ME2: variants seen among roughly 807,000 people sequenced by gnomAD.
ME2 encodes NAD-dependent malic enzyme, mitochondrial.
Under a neutral mutation model 73.7 loss-of-function variants are expected in ME2, and 60 were observed. That is an observed-to-expected ratio of 0.81 (90% CI 0.66 to 1.01). ME2 has a LOEUF of 1.01. Among genes scored for constraint, ME2 ranks in the 50% least tolerant of loss-of-function variants. ME2 has a pLI of 0.00. For synonymous variants in ME2, 199 were observed against 236.9 expected, an observed-to-expected ratio of 0.84 and a Z score of 1.47; for missense variants, 594 against 705.5, an observed-to-expected ratio of 0.84 and a Z score of 1.79.
chr18:50,904,897 T>C (rs972360501), intron 2 of ME2, among the ~76,000 whole-genome samples: 2 of 152,082 alleles, frequency 1.3e-5, no homozygotes, highest in Non-Finnish European at 2.9e-5. Context: ...CATTATCTCT[T>C]GAAATATTAT....
At position 50,951,120 on chromosome 18, in the gene ME2, A is replaced by C. The variant is rs927761944; in HGVS notation, c.*3936A>C. The C allele has an allele frequency of 6.6e-6, 1 of 152,170 alleles. No homozygotes were observed. The highest frequency in any genetic ancestry group is 1.5e-5 in the Non-Finnish European group (1 of 68,034). 9.4% of individuals were successfully genotyped at this position (152,170 alleles called of 1,614,324 possible). A position where few individuals can be genotyped will look rare whatever the true frequency, so the allele number is the denominator to read the frequency against. On this transcript the variant is annotated 3_prime_UTR_variant, in exon 16 of 16. Coordinates refer to ENST00000321341, the MANE Select transcript of ME2 (RefSeq NM_002396.5). ...GCATACTTAGTAAACTTAGTAACCAATTTTCATTTGTAAAAGATTAGCTAT... is the reference window on the plus strand; with the variant it reads ...GCATACTTAGTAAACTTAGTAACCACTTTTCATTTGTAAAAGATTAGCTAT...
chr18:50,941,307 A>ACATCTGTCT, intron 15 of ME2, among the ~76,000 whole-genome samples: 1 of 148,812 alleles, frequency 6.7e-6, no homozygotes, highest in East Asian at 2.0e-4. Context: ...AGCGTAATGA[A>ACATCTGTCT]CATCTGTCTT....
At position 50,953,170 on chromosome 18, in the gene ME2, G is replaced by T. The variant is rs936599134; in HGVS notation, c.*5986G>T. 1.3e-5 allele frequency: 2 copies of T among 148,556 alleles called. No homozygotes were observed. Among genetic ancestry groups the T allele is most frequent in the Non-Finnish European group, 3.0e-5 (2 of 67,766 alleles). 9.2% of individuals were successfully genotyped at this position (148,556 alleles called of 1,614,324 possible). On this transcript the variant is annotated 3_prime_UTR_variant, in exon 16 of 16. Coordinates refer to ENST00000321341, the MANE Select transcript of ME2 (RefSeq NM_002396.5). The stretch of plus-strand genomic sequence containing the variant: ...GCTGGAGTGCAGTGGCGCAATCTCA[G>T]CTCACTGCAAGCTCCGCCTCCCGGG...
At chr18:50,939,931 G>A (rs1489391992) in intron 14 of ME2, 5 of 425,996 alleles carry the variant, frequency 1.2e-5, no homozygotes, top group Non-Finnish European at 2.1e-5. Context: ...GTTTTTAATG[G>A]ACAAGTACTG....
intron 1 of ME2, among the ~76,000 whole-genome samples, chr18:50,885,909 C>A (rs1916451115): frequency 6.6e-6 from 1 of 151,882 alleles, no homozygotes; most frequent in Non-Finnish European, 1.5e-5. Context: ...TTAAAAATAG[C>A]CTGAAAAATC....
Position 50,947,204 on chromosome 18 carries a change from AC to A in ME2, c.*21del, listed in dbSNP as rs1918106382. On this transcript the variant is annotated 3_prime_UTR_variant, in exon 16 of 16. Transcript: ENST00000321341. ...GAATAGAAGCACTCCCCTGATAAAT[AC>A]TTTCTGTGCTCCAGGGAACCCCTTT... is the stretch of plus-strand genomic sequence containing the variant. 6.2e-7 allele frequency: 1 copy of A among 1,605,788 alleles called. No individual in the cohort carries two copies. The highest frequency in any genetic ancestry group is 8.5e-7 in the Non-Finnish European group (1 of 1,176,446).
In ME2 at chr18:50,948,843, A is replaced by ATT. The variant is rs71171366; in HGVS notation, c.*1678_*1679dup. Reference sequence around the variant, plus strand: ...AGGCGTGAGCCACCGCACCCAGCCAATTTTTTTTTTTTTTTTTTTTGAGAC... The same window carrying ATT: ...AGGCGTGAGCCACCGCACCCAGCCAATTTTTTTTTTTTTTTTTTTTTTGAGAC... On this transcript the variant is annotated 3_prime_UTR_variant, in exon 16 of 16. Coordinates refer to ENST00000321341, the MANE Select transcript of ME2 (RefSeq NM_002396.5). 1.3e-4 allele frequency: 14 copies of ATT among 111,418 alleles called. No homozygotes were observed. Among genetic ancestry groups the ATT allele is most frequent in the Non-Finnish European group, 1.5e-4 (8 of 54,624 alleles). 6.9% of individuals were successfully genotyped at this position (111,418 alleles called of 1,614,324 possible).
intron 2 of ME2, among the ~76,000 whole-genome samples, chr18:50,906,162 G>A (rs895447377): frequency 1.3e-5 from 2 of 151,992 alleles, no homozygotes; most frequent in African/African-American, 4.8e-5. Flanking sequence ...TATCTAGTAA[G>A]TACAATGTTT....
At chr18:50,899,280 A>G (rs1411758732) in intron 2 of ME2, among the ~76,000 whole-genome samples, 2 of 152,174 alleles carry the variant, frequency 1.3e-5, no homozygotes, top group African/African-American at 2.4e-5. Context: ...AAATGTAACT[A>G]TCATCAATGA....
At chr18:50,895,781 A>C (rs376685308) in intron 1 of ME2, 28 bp from the exon 2 acceptor site, 87 of 1,414,622 alleles carry the variant, frequency 6.2e-5, no homozygotes, top group Non-Finnish European at 8.5e-5. Flanking sequence ...GATTCTCTTC[A>C]GTGGTTTATT....
chr18:50,917,614 T>A (rs901190497), intron 6 of ME2, 106 bp downstream of exon 6: 1 of 759,600 alleles, frequency 1.3e-6, no homozygotes, highest in Non-Finnish European at 1.9e-6. Context: ...GTTTTATGAT[T>A]AGATTTTTTT....
intron 12 of ME2, among the ~76,000 whole-genome samples, chr18:50,928,021 G>A (rs1473887512): frequency 3.3e-5 from 5 of 151,332 alleles, no homozygotes; most frequent in African/African-American, 9.7e-5. Context: ...GTCTTGCTTT[G>A]TTGGCCAGGC....
At position 50,952,916 on chromosome 18, in the gene ME2, T is replaced by C. The variant is rs1024313251; in HGVS notation, c.*5732T>C. The C allele has an allele frequency of 6.6e-6, 1 of 152,084 alleles. No homozygotes were observed. The highest frequency in any genetic ancestry group is 2.4e-5 in the African/African-American group (1 of 41,408). The allele number at this position is 152,084 out of a possible 1,614,324, so 9.4% of individuals were successfully genotyped here. ...GTTTACCCTCTGTTTCTGTGCCTGA[T>C]TTACAGACAGAGACAGAGGCACAGA... is the stretch of plus-strand genomic sequence containing the variant. On this transcript the variant is annotated 3_prime_UTR_variant, in exon 16 of 16. Coordinates refer to ENST00000321341, the MANE Select transcript of ME2 (RefSeq NM_002396.5).
chr18:50,947,029 C>G lies in ME2; in HGVS notation c.1600C>G (p.Leu534Val), dbSNP rs1457036013. ...INIAIKVTEYLYANKMAFRYP... is the reference protein window; with the variant it reads ...INIAIKVTEYVYANKMAFRYP... ...ACTTATTTTTCAGGTTACAGAATAC[C>G]TATATGCTAATAAAATGGCTTTCCG... The change falls in exon 16 of 16, where the codon CTA becomes GTA. Residue 534 changes from leucine (L) to valine (V), a missense_variant. Leu to Val is a conservative substitution (Grantham distance 32). Transcript: ENST00000321341. 6.2e-7 allele frequency: 1 copy of G among 1,612,546 alleles called. No homozygotes were observed. The highest frequency in any genetic ancestry group is 1.1e-5 in the South Asian group (1 of 91,030).
chr18:50,891,985 T>G (rs1298683920), intron 1 of ME2, among the ~76,000 whole-genome samples: 3 of 139,896 alleles, frequency 2.1e-5, no homozygotes, highest in Non-Finnish European at 4.5e-5. Flanking sequence ...TTTGTGTGTG[T>G]GGGTTTTTTT....
chr18:50,883,378 G>T (rs1369864594), intron 1 of ME2, among the ~76,000 whole-genome samples: 2 of 152,176 alleles, frequency 1.3e-5, no homozygotes, highest in Non-Finnish European at 2.9e-5. Context: ...CCAGGTAGGG[G>T]GCCAGGGAGA....
chr18:50,932,237 G>A (rs747757769), intron 12 of ME2, 21 bp from the exon 13 acceptor site: 9 of 1,590,334 alleles, frequency 5.7e-6, no homozygotes, highest in Non-Finnish European at 6.0e-6. Flanking sequence ...CAAAATTGAA[G>A]TTATTTCATT....
At chr18:50,925,253 C>T (rs574912462) in intron 11 of ME2, among the ~76,000 whole-genome samples, 162 of 152,084 alleles carry the variant, frequency 1.1e-3, no homozygotes, top group Non-Finnish European at 1.5e-3. Flanking sequence ...CCGAGGCAGG[C>T]GGATCACCTG....
rs57195101 is a variant in ME2, at chr18:50,911,453, A to G, written c.243-1348A>G. On this transcript the variant is annotated intron_variant, in intron 3 of 15. Transcript: ENST00000321341. ...TATATGAGGTGATCATTTCTAACTT[A>G]TGGTATTGTCTAGACTGGAGGAAGC... Among the ~76,000 whole-genome samples, 450 of 152,314 alleles carry G rather than the reference A, an allele frequency of 3.0e-3. 4 individuals are homozygous for G. The highest frequency in any genetic ancestry group is 0.01 in the African/African-American group (419 of 41,550).
Sources: allele counts gnomAD v4.1 joint callset (sites outside exome capture counted in the v4.1 genomes callset), GRCh38; gene constraint gnomAD v4.1.1; transcripts MANE v1.5; gene names NCBI Gene and HGNC (gene_info 2026-07-23, HGNC 2026-07-21).